The following ECPAS variants were observed in gnomAD, a reference collection of about 807,000 sequenced individuals.
ECPAS encodes the protein proteasome adapter and scaffold protein ECM29.
In ECPAS, 70 loss-of-function variants were observed where a neutral mutation model predicts 255.1. The observed-to-expected ratio is 0.27, with a 90% CI of 0.23 to 0.33. ECPAS has a LOEUF of 0.33. ECPAS is among the 10% of genes least tolerant of loss of function. The pLI, the probability that ECPAS is intolerant of heterozygous loss-of-function variation, is 1.00. For missense variants in ECPAS, 1,817 were observed against 2,206.4 expected (o/e 0.82, Z 3.54); for synonymous variants, 784 against 775.0 (o/e 1.01, Z -0.19).
intron 2 of ECPAS, among the ~76,000 whole-genome samples, chr9:111,454,686 A>G (rs2098264662): frequency 6.6e-6 from 1 of 152,004 alleles, no homozygotes; most frequent in Non-Finnish European, 1.5e-5. Context: ...ATCTACAGAT[A>G]TAACTGCTAT....
chr9:111,465,627 AATTTT>A (rs916646074), intron 2 of ECPAS, among the ~76,000 whole-genome samples: 14 of 151,644 alleles, frequency 9.2e-5, no homozygotes, highest in Non-Finnish European at 1.6e-4. Context: ...ATTCCATGAT[AATTTT>A]ATTTTATGAT....
intron 3 of ECPAS, among the ~76,000 whole-genome samples, chr9:111,451,122 C>T (rs1412748524): frequency 6.6e-6 from 1 of 152,112 alleles, no homozygotes. Flanking sequence ...TTACCACATG[C>T]CTTTCATATT....
chr9:111,430,872 A>G (rs143944133), intron 8 of ECPAS, among the ~76,000 whole-genome samples: 13 of 152,244 alleles, frequency 8.5e-5, no homozygotes, highest in Admixed American at 7.2e-4. Flanking sequence ...ATTGTATCCA[A>G]TGGCACAATT....
At chr9:111,370,302 T>G in intron 45 of ECPAS, 133 bp downstream of exon 45, 1 of 616,876 alleles carries the variant, frequency 1.6e-6, no homozygotes. Flanking sequence ...CTATCTTGTT[T>G]AAGGCCGTAT....
At chr9:111,473,651 A>T (rs1211164954) in intron 1 of ECPAS, among the ~76,000 whole-genome samples, 3 of 152,130 alleles carry the variant, frequency 2.0e-5, no homozygotes, top group Admixed American at 2.0e-4. Context: ...ATGTGCCAAG[A>T]TGTGCTATCT....
rs199825081 is a variant in ECPAS at position 111,414,613 on chromosome 9, C to T, written c.1803G>A (p.Ala601=). ...LYLRMCLAHS[A]GVVPTSQSLA... The stretch of plus-strand genomic sequence containing the variant: ...AACTCTGAGAGGTGGGCACCACCCC[C>T]GCACTGTGCGCAAGGCACATGCGCA... The change falls in exon 19 of 50, where the codon GCG becomes GCA. Residue 601 remains alanine, a synonymous_variant. Transcript: ENST00000684092. 2,000 of 1,613,818 alleles carry T rather than the reference C, an allele frequency of 1.2e-3. 2 individuals are homozygous for T. Among genetic ancestry groups the T allele is most frequent in the Non-Finnish European group, 1.5e-3 (1,818 of 1,179,876 alleles).
chr9:111,414,390 A>G (rs767160556), intron 19 of ECPAS, 39 bp downstream of exon 19: 59 of 1,533,800 alleles, frequency 3.8e-5, no homozygotes, highest in Non-Finnish European at 5.0e-5. Context: ...TTTTTGCTTA[A>G]GTGCTTCAGT....
chr9:111,379,320 A>C (rs951156027), intron 35 of ECPAS, among the ~76,000 whole-genome samples: 1 of 152,246 alleles, frequency 6.6e-6, no homozygotes, highest in Non-Finnish European at 1.5e-5. Context: ...CAGTGCATAT[A>C]GAAGTTTTGT....
At chr9:111,455,066 T>G (rs933411344) in intron 2 of ECPAS, among the ~76,000 whole-genome samples, 1 of 152,152 alleles carries the variant, frequency 6.6e-6, no homozygotes, top group Non-Finnish European at 1.5e-5. Flanking sequence ...AACTTACCAT[T>G]CCTTCCCTAT....
intron 29 of ECPAS, among the ~76,000 whole-genome samples, chr9:111,390,431 G>C (rs888994052): frequency 1.3e-5 from 2 of 152,178 alleles, no homozygotes; most frequent in African/African-American, 4.8e-5. Context: ...GATCATAAGA[G>C]AGTCATTGGA....
intron 7 of ECPAS, among the ~76,000 whole-genome samples, chr9:111,436,321 G>A (rs2098238135): frequency 6.6e-6 from 1 of 152,188 alleles, no homozygotes; most frequent in South Asian, 2.1e-4. Context: ...TCCCTGAAGT[G>A]CCTGATGACA....
intron 24 of ECPAS, among the ~76,000 whole-genome samples, chr9:111,408,010 C>T (rs2098187826): frequency 6.6e-6 from 1 of 152,074 alleles, no homozygotes; most frequent in African/African-American, 2.4e-5. Context: ...AGCAACAAGC[C>T]GAGAAGGAAG....
At chr9:111,472,583 T>G (rs939373102) in intron 2 of ECPAS, among the ~76,000 whole-genome samples, 2 of 149,798 alleles carry the variant, frequency 1.3e-5, no homozygotes, top group Non-Finnish European at 2.9e-5. Context: ...AAGGCTACAA[T>G]GAGCCATGAC....
Position 111,369,018 on chromosome 9 carries a change from C to G in ECPAS, c.5113+17G>C. ...ACCTCTGGTTACAGCACTTCAAATG[C>G]AGTTTCTGGTGCTTACGTTGGGTCT... On this transcript the variant is annotated intron_variant, in intron 46 of 49. Coordinates refer to ENST00000684092, the MANE Select transcript of ECPAS (RefSeq NM_001364929.1). 6.5e-7 allele frequency: 1 copy of G among 1,532,816 alleles called. No homozygotes were observed. The highest frequency in any genetic ancestry group is 8.7e-7 in the Non-Finnish European group (1 of 1,148,752). 95.0% of individuals were successfully genotyped at this position (1,532,816 alleles called of 1,614,324 possible).
At chr9:111,483,934 G>A (rs1194860897) in intron 1 of ECPAS, 182 bp downstream of exon 1, 69 of 835,440 alleles carry the variant, frequency 8.3e-5, no homozygotes, top group Non-Finnish European at 9.1e-5. Flanking sequence ...CCCCCGCCGG[G>A]CCCCTCGCGC....
chr9:111,447,582 G>A (rs922132358), intron 3 of ECPAS, among the ~76,000 whole-genome samples: 16 of 152,152 alleles, frequency 1.1e-4, no homozygotes. Context: ...AAAGGCTACT[G>A]TAAAGATTAA....
intron 7 of ECPAS, among the ~76,000 whole-genome samples, chr9:111,436,712 C>T (rs2098238693): frequency 6.6e-6 from 1 of 152,100 alleles, no homozygotes; most frequent in Non-Finnish European, 1.5e-5. Flanking sequence ...TTATACTTGA[C>T]ATATGTAAGC....
Position 111,373,235 on chromosome 9 carries a change from G to C in ECPAS, c.4271C>G (p.Thr1424Ser). 1 of 1,613,580 alleles carries C rather than the reference G, an allele frequency of 6.2e-7. No individual in the cohort carries two copies. The highest frequency in any genetic ancestry group is 8.5e-7 in the Non-Finnish European group (1 of 1,179,628). Reference sequence around the variant, plus strand: ...TTTTTCAGTGCTGCTATCCCGTGAGGTCTGAAAAAGAAACAATCCTAAGTA... The same window carrying C: ...TTTTTCAGTGCTGCTATCCCGTGAGCTCTGAAAAAGAAACAATCCTAAGTA... The part of the protein sequence containing the change: ...CAFAMGHLVR[T>S]SRDSSTEKLL... Residue 1424 changes from threonine to serine, a missense_variant and splice_region_variant, in exon 41 of 50, where the codon ACC becomes AGC. This residue lies in a region of ECPAS where 960 missense variants were observed against 1,179.0 expected (regional missense o/e 0.81). Coordinates refer to ENST00000684092, the MANE Select transcript of ECPAS (RefSeq NM_001364929.1).
intron 35 of ECPAS, among the ~76,000 whole-genome samples, chr9:111,382,778 G>A (rs992108425): frequency 1.3e-5 from 2 of 152,142 alleles, no homozygotes; most frequent in Non-Finnish European, 1.5e-5. Flanking sequence ...ATACAAACTA[G>A]AATCCTACAC....
Sources: gnomAD v4.1 joint callset for allele counts (sites outside exome capture counted in the v4.1 genomes callset) on GRCh38, gnomAD v4.1.1 for gene constraint, gnomAD v4.1.1 regional missense constraint, MANE v1.5 for transcripts, NCBI Gene and HGNC (gene_info 2026-07-23, HGNC 2026-07-21) for gene names.